ACAN: variants seen among roughly 807,000 people sequenced by gnomAD.
ACAN encodes aggrecan, also known as aggrecan core protein.
A neutral mutation model predicts 169.1 loss-of-function variants in ACAN; 47 were observed. The observed-to-expected ratio is 0.28, with a 90% CI of 0.22 to 0.35. The LOEUF is 0.35. Among genes scored for constraint, ACAN ranks in the 10% least tolerant of loss-of-function variants. The pLI is 1.00. For synonymous variants in ACAN, 1,115 were observed against 1,112.2 expected (o/e 1.00, Z -0.05); for missense variants, 2,716 against 2,759.9 (o/e 0.98, Z 0.36).
intron 1 of ACAN, among the ~76,000 whole-genome samples, chr15:88,822,372 A>C (rs944333839): frequency 6.6e-6 from 1 of 152,226 alleles, no homozygotes; most frequent in East Asian, 1.9e-4. Flanking sequence ...GAAATCATAC[A>C]GAAAATCCCA....
Position 88,872,157 on chromosome 15 carries a change from G to C in ACAN, c.7302+72G>C. 2 of 1,336,416 alleles carry C rather than the reference G, an allele frequency of 1.5e-6. No individual in the cohort carries two copies. Among genetic ancestry groups the C allele is most frequent in the Admixed American group, 1.7e-5 (1 of 59,074 alleles). 82.8% of individuals were successfully genotyped at this position (1,336,416 alleles called of 1,614,324 possible). ...GGGATAGAGACCCCTGGAGAGAGAT[G>C]CATTCAAACCCCATGCAGACAGCCG... On this transcript the variant is annotated intron_variant, in intron 16 of 18. Transcript: ENST00000560601. This position sits in a 1 kb window ranked among gnomAD's most constrained non-coding sequence, Gnocchi z 5.4.
chr15:88,867,261 A>G (rs1214797665), intron 13 of ACAN, among the ~76,000 whole-genome samples: 1 of 152,216 alleles, frequency 6.6e-6, no homozygotes, highest in South Asian at 2.1e-4. Context: ...TTCAAGTACC[A>G]CAAAGAAGTT....
rs140867631 is a variant in ACAN, at chr15:88,857,014, C to G, written c.4429C>G (p.Leu1477Val). ...TGGACTTCCTTCTGGAGGAGAAGTT[C>G]TAGAGATTTCTGTCTCTGGAGTAGA... is the stretch of plus-strand genomic sequence containing the variant. ...LSGLPSGGEV[L>V]EISVSGVEDI... The change falls in exon 12 of 19, where the codon CTA becomes GTA. Residue 1477 changes from leucine to valine, a missense_variant. By Grantham distance (32) the Leu-to-Val change is conservative (BLOSUM62 1). This residue lies in a region of ACAN where 1,389 missense variants were observed against 1,363.7 expected (regional missense o/e 1.02). Coordinates refer to ENST00000560601, the MANE Select transcript of ACAN (RefSeq NM_001369268.1). 28 of 1,613,456 alleles carry G rather than the reference C, an allele frequency of 1.7e-5. No homozygotes were observed. The East Asian group carries it at 6.2e-4, about 36-fold the overall frequency.
Position 88,870,873 on chromosome 15 carries a change from G to A in ACAN, c.7061-509G>A, listed in dbSNP as rs1897362468. ...CCAGACCCCAAGCAGACTTATTTCTGCTCCTCTGTTCCCACCTGAGGTTCT... is the reference window on the plus strand; with the variant it reads ...CCAGACCCCAAGCAGACTTATTTCTACTCCTCTGTTCCCACCTGAGGTTCT... On this transcript the variant is annotated intron_variant, in intron 14 of 18. Transcript: ENST00000560601. The surrounding 1 kb of genome is among the most constrained non-coding windows in gnomAD (Gnocchi z 6.3). 1.3e-5 allele frequency among the ~76,000 whole-genome samples: 2 copies of A among 152,232 alleles called. No individual in the cohort carries two copies. Among genetic ancestry groups the A allele is most frequent in the East Asian group, 1.9e-4 (1 of 5,152 alleles).
Position 88,847,384 on chromosome 15 carries a change from G to A in ACAN, c.1571G>A (p.Cys524Tyr). Residue 524 changes from cysteine (C) to tyrosine (Y), a missense_variant, in exon 8 of 19, where the codon TGT becomes TAT. Physicochemically the swap from Cys to Tyr is radical, Grantham distance 194. This residue lies in a region of ACAN where 1,283 missense variants were observed against 1,281.5 expected (regional missense o/e 1.00). Transcript: ENST00000560601. Reference protein sequence around the residue: ...QAAYEAGYEQCDAGWLRDQTV... With the variant: ...QAAYEAGYEQYDAGWLRDQTV... Reference sequence around the variant, plus strand: ...GCCTACGAAGCAGGCTATGAGCAGTGTGACGCCGGCTGGCTGCGGGACCAG... The same window carrying A: ...GCCTACGAAGCAGGCTATGAGCAGTATGACGCCGGCTGGCTGCGGGACCAG... 6.3e-7 allele frequency: 1 copy of A among 1,586,880 alleles called. No individual in the cohort carries two copies. The highest frequency in any genetic ancestry group is 8.6e-7 in the Non-Finnish European group (1 of 1,165,154).
At position 88,871,881 on chromosome 15, in the gene ACAN, T is replaced by G. The variant is rs1399176644; in HGVS notation, c.7220-122T>G. On this transcript the variant is annotated intron_variant, in intron 15 of 18. Coordinates refer to ENST00000560601, the MANE Select transcript of ACAN (RefSeq NM_001369268.1). This position sits in a 1 kb window ranked among gnomAD's most constrained non-coding sequence, Gnocchi z 7.8. ...TGTGAGGACCTGAGAAGCACGTGCC[T>G]TGCTCCTAGGAGCCCACCCACCTCC... 1 of 914,670 alleles carries G rather than the reference T, an allele frequency of 1.1e-6. No individual in the cohort carries two copies. The highest frequency in any genetic ancestry group is 1.8e-6 in the Non-Finnish European group (1 of 562,480). 56.7% of individuals were successfully genotyped at this position (914,670 alleles called of 1,614,324 possible).
chr15:88,850,061 G>A (rs777305424), intron 10 of ACAN: 13 of 590,448 alleles, frequency 2.2e-5, no homozygotes, highest in Non-Finnish European at 3.6e-5. Context: ...TCCTACTTCA[G>A]AGAGAGCTGC....
chr15:88,830,116 C>T (rs960469581), intron 1 of ACAN, among the ~76,000 whole-genome samples: 1 of 152,096 alleles, frequency 6.6e-6, no homozygotes, highest in Non-Finnish European at 1.5e-5. Context: ...TGTGGACTCA[C>T]GCTGGGCCAG....
intron 13 of ACAN, among the ~76,000 whole-genome samples, chr15:88,867,450 T>C (rs1897298002): frequency 6.6e-6 from 1 of 152,192 alleles, no homozygotes; most frequent in Non-Finnish European, 1.5e-5. Context: ...GGAGTCCCTC[T>C]AGAACTTGTG....
At chr15:88,847,205 G>C (rs1266722287) in intron 7 of ACAN, 38 bp from the exon 8 acceptor site, 1 of 1,508,810 alleles carries the variant, frequency 6.6e-7, no homozygotes, top group African/African-American at 1.4e-5. Flanking sequence ...TGCACACCGT[G>C]GGTCCCTGAA....
In ACAN at chr15:88,871,027, C is replaced by T. The variant is rs1435771246; in HGVS notation, c.7061-355C>T. On this transcript the variant is annotated intron_variant, in intron 14 of 18. Coordinates refer to ENST00000560601, the MANE Select transcript of ACAN (RefSeq NM_001369268.1). The surrounding 1 kb of genome is among the most constrained non-coding windows in gnomAD (Gnocchi z 7.8). Reference sequence around the variant, plus strand: ...CCAGAGCCACAGAACCATGTTTTGCCTTAAATCTCAAGACCTCTCACCTTC... The same window carrying T: ...CCAGAGCCACAGAACCATGTTTTGCTTTAAATCTCAAGACCTCTCACCTTC... 1.3e-5 allele frequency among the ~76,000 whole-genome samples: 2 copies of T among 152,216 alleles called. No homozygotes were observed. Among genetic ancestry groups the T allele is most frequent in the African/African-American group, 2.4e-5 (1 of 41,448 alleles).
chr15:88,863,904 G>T (rs144117380), intron 13 of ACAN, among the ~76,000 whole-genome samples: 133 of 152,380 alleles, frequency 8.7e-4, no homozygotes, highest in African/African-American at 3.1e-3. Flanking sequence ...GGGCACAGTG[G>T]TGCACACCTG....
Position 88,843,725 on chromosome 15 carries a change from A to T in ACAN, c.1051+77A>T. On this transcript the variant is annotated intron_variant, in intron 6 of 18. Transcript: ENST00000560601. This position sits in a 1 kb window ranked among gnomAD's most constrained non-coding sequence, Gnocchi z 4.0. The stretch of plus-strand genomic sequence containing the variant: ...CTAGAGGGAAGAGGGGATCTTGGAA[A>T]GGGAGGGTTGGTTTTTGCCCTTGAA... 6.7e-7 allele frequency: 1 copy of T among 1,491,640 alleles called. No individual in the cohort carries two copies. The highest frequency in any genetic ancestry group is 8.9e-7 in the Non-Finnish European group (1 of 1,120,058). The allele number at this position is 1,491,640 out of a possible 1,614,324, so 92.4% of individuals were successfully genotyped here. A position where few individuals can be genotyped will look rare whatever the true frequency, so the allele number is the denominator to read the frequency against.
Position 88,858,023 on chromosome 15 carries a change from C to T in ACAN, c.5438C>T (p.Pro1813Leu). The T allele has an allele frequency of 6.2e-7, 1 of 1,613,952 alleles. No individual in the cohort carries two copies. The highest frequency in any genetic ancestry group is 8.5e-7 in the Non-Finnish European group (1 of 1,179,888). ...PGFSGATSGV[P>L]DLVSGTTSGS... ...TTCAGTGGGGCAACATCAGGAGTCC[C>T]TGACCTGGTTTCTGGTACCACGAGT... is the stretch of plus-strand genomic sequence containing the variant. The change falls in exon 12 of 19, where the codon CCT becomes CTT. Residue 1813 changes from proline to leucine, a missense_variant. Physicochemically the swap from Pro to Leu is moderately conservative, Grantham distance 98 (BLOSUM62 -3). Transcript: ENST00000560601. This position sits in a 1 kb window ranked among gnomAD's most constrained non-coding sequence, Gnocchi z 4.0.
chr15:88,846,096 A>G (rs1396607459), intron 7 of ACAN, among the ~76,000 whole-genome samples: 1 of 152,198 alleles, frequency 6.6e-6, no homozygotes, highest in African/African-American at 2.4e-5. Flanking sequence ...TTTATTTCAA[A>G]TGAGGTCATA....
In ACAN at chr15:88,869,166, T is replaced by G. The variant is rs1252110942; in HGVS notation, c.7060+837T>G. 6.6e-6 allele frequency among the ~76,000 whole-genome samples: 1 copy of G among 152,156 alleles called. No individual in the cohort carries two copies. Among genetic ancestry groups the G allele is most frequent in the African/African-American group, 2.4e-5 (1 of 41,462 alleles). On this transcript the variant is annotated intron_variant, in intron 14 of 18. Transcript: ENST00000560601. This position sits in a 1 kb window ranked among gnomAD's most constrained non-coding sequence, Gnocchi z 4.2. ...AGTCTCCCCACCAGCCGCCTGGATC[T>G]CGGGGATTTCCCAGCTCAGAAAAGG...
At chr15:88,837,371 T>C (rs1896531028) in intron 2 of ACAN, among the ~76,000 whole-genome samples, 1 of 152,176 alleles carries the variant, frequency 6.6e-6, no homozygotes, top group Admixed American at 6.5e-5. Flanking sequence ...TTCAGGTCAT[T>C]TTGAAAGGTA....
chr15:88,874,011 C>A lies in ACAN; in HGVS notation c.7617C>A (p.Ile2539=). The A allele has an allele frequency of 6.2e-7, 1 of 1,611,160 alleles. No individual in the cohort carries two copies. Among genetic ancestry groups the A allele is most frequent in the South Asian group, 1.1e-5 (1 of 91,018 alleles). The change falls in exon 18 of 19, where the codon ATC becomes ATA. Residue 2539 remains isoleucine, a synonymous_variant. Coordinates refer to ENST00000560601, the MANE Select transcript of ACAN (RefSeq NM_001369268.1). The surrounding 1 kb of genome is among the most constrained non-coding windows in gnomAD (Gnocchi z 7.3). ...QPSGHWEEPQ[I]TCTDPTTYKR... is the part of the protein sequence containing the mutation. ...GCGGGCACTGGGAGGAGCCTCAGAT[C>A]ACCTGCACAGACCGTGAGCATCACC...
intron 1 of ACAN, among the ~76,000 whole-genome samples, chr15:88,822,529 T>C (rs528208770): frequency 6.6e-5 from 10 of 151,738 alleles, no homozygotes; most frequent in Admixed American, 2.6e-4. Context: ...TGCAATGGCG[T>C]GATCTTGGCT....
Sources: allele counts gnomAD v4.1 joint callset (sites outside exome capture counted in the v4.1 genomes callset), GRCh38; gene constraint gnomAD v4.1.1; regional missense constraint gnomAD v4.1.1; non-coding constraint Gnocchi (gnomAD v3.1); transcripts MANE v1.5; gene names NCBI Gene and HGNC (gene_info 2026-07-23, HGNC 2026-07-21).